Variants in GDPD4 observed in about 807,000 individuals in gnomAD.
GDPD4 encodes the protein glycerophosphodiester phosphodiesterase domain containing 4.
GDPD4 carries 60 observed loss-of-function variants against 67.8 expected under a neutral mutation model. The ratio of observed to expected loss-of-function variants is 0.88; its 90% CI spans 0.72 to 1.10. The LOEUF is 1.10. Ranked by LOEUF, GDPD4 falls within the 50% of genes least tolerant of loss-of-function variation. The pLI, the probability that GDPD4 is intolerant of heterozygous loss-of-function variation, is 0.00. For synonymous variants in GDPD4, 212 were observed against 210.9 expected, an observed-to-expected ratio of 1.00 and a Z score of -0.04; for missense variants, 623 against 613.9, an observed-to-expected ratio of 1.01 and a Z score of -0.16.
At chr11:77,299,660 A>C (rs1311286223) in intron 1 of GDPD4, among the ~76,000 whole-genome samples, 1 of 152,154 alleles carries the variant, frequency 6.6e-6, no homozygotes, top group African/African-American at 2.4e-5. Flanking sequence ...TGGCCTGGGT[A>C]TGTTCTCATG....
At chr11:77,223,915 C>T (rs528098219) in intron 16 of GDPD4, among the ~76,000 whole-genome samples, 2 of 152,214 alleles carry the variant, frequency 1.3e-5, no homozygotes, top group Admixed American at 6.5e-5. Flanking sequence ...ACACCCCTCC[C>T]CTAGCCAGGC....
At chr11:77,236,278 C>T (rs1237989171) in intron 13 of GDPD4, among the ~76,000 whole-genome samples, 1 of 151,716 alleles carries the variant, frequency 6.6e-6, no homozygotes, top group Non-Finnish European at 1.5e-5. Flanking sequence ...TGGTTTTCTG[C>T]ACCCATCAAC....
At chr11:77,217,365 T>TA in intron 16 of GDPD4, 51 bp from the exon 17 acceptor site, 1 of 1,370,182 alleles carries the variant, frequency 7.3e-7, no homozygotes. Flanking sequence ...CTCCACTCTC[T>TA]GTCAGTCATG....
chr11:77,233,311 G>A (rs1019051712), intron 13 of GDPD4, 139 bp from the exon 14 acceptor site: 35 of 721,186 alleles, frequency 4.9e-5, no homozygotes, highest in African/African-American at 3.7e-4. Flanking sequence ...TTCATGATAC[G>A]ATGTGACAGA....
At chr11:77,222,223 T>G (rs1167080081) in intron 16 of GDPD4, among the ~76,000 whole-genome samples, 1 of 152,214 alleles carries the variant, frequency 6.6e-6, no homozygotes, top group Admixed American at 6.5e-5. Context: ...CCATTTACAT[T>G]TAAGGTTAAT....
chr11:77,230,675 T>C (rs1349086895), intron 14 of GDPD4, among the ~76,000 whole-genome samples: 1 of 152,186 alleles, frequency 6.6e-6, no homozygotes, highest in African/African-American at 2.4e-5. Context: ...TGAATGAATA[T>C]TTTAAAATAA....
chr11:77,258,619 AGTC>A (rs2135859194), intron 10 of GDPD4, 77 bp from the exon 11 acceptor site: 2 of 1,378,490 alleles, frequency 1.5e-6, no homozygotes, highest in Non-Finnish European at 2.1e-6. Context: ...CTCCCCAGAC[AGTC>A]CTTCAAGGTC....
chr11:77,232,873 G>T, intron 14 of GDPD4, 152 bp downstream of exon 14: 1 of 619,632 alleles, frequency 1.6e-6, no homozygotes. Flanking sequence ...AGAAGGATCT[G>T]TGAGAATGGA....
chr11:77,244,590 G>A (rs1958743746), intron 12 of GDPD4, among the ~76,000 whole-genome samples: 2 of 152,064 alleles, frequency 1.3e-5, no homozygotes, highest in South Asian at 4.1e-4. Flanking sequence ...TGTATTCTTA[G>A]CACTTTGGAA....
chr11:77,264,611 T>C (rs1359465824), intron 10 of GDPD4, among the ~76,000 whole-genome samples: 2 of 152,130 alleles, frequency 1.3e-5, no homozygotes, highest in Non-Finnish European at 2.9e-5. Flanking sequence ...AAATTTACTA[T>C]GATGTTTAAG....
chr11:77,244,253 T>A (rs1958736104), intron 12 of GDPD4, among the ~76,000 whole-genome samples: 1 of 152,166 alleles, frequency 6.6e-6, no homozygotes, highest in African/African-American at 2.4e-5. Flanking sequence ...CAGGATGGTC[T>A]CGATCTCCTG....
Position 77,297,422 on chromosome 11 carries a change from G to C in GDPD4, c.-254+4183C>G, listed in dbSNP as rs542359841. Among the ~76,000 whole-genome samples, 10 of 151,768 alleles carry C rather than the reference G, an allele frequency of 6.6e-5. No individual in the cohort carries two copies. The East Asian group carries it at 1.8e-3, about 27-fold the overall frequency. ...GCGGTGGCTGGTGCCTGTAGTCCCA[G>C]CTAGTCGGGAGGCTGAGGCAGGAGA... On this transcript the variant is annotated intron_variant, in intron 1 of 16. Transcript: ENST00000315938.
chr11:77,298,504 T>A (rs997734896), intron 1 of GDPD4, among the ~76,000 whole-genome samples: 17 of 152,228 alleles, frequency 1.1e-4, no homozygotes, highest in South Asian at 4.1e-4. Flanking sequence ...CAAAAAAAAA[T>A]TTTTTTTAAA....
intron 11 of GDPD4, among the ~76,000 whole-genome samples, chr11:77,254,499 G>C (rs987674706): frequency 1.3e-5 from 2 of 152,080 alleles, no homozygotes; most frequent in African/African-American, 4.8e-5. Context: ...GAAGGGATGA[G>C]TGCTAGTATT....
At chr11:77,298,397 A>G (rs1198732037) in intron 1 of GDPD4, among the ~76,000 whole-genome samples, 3 of 152,186 alleles carry the variant, frequency 2.0e-5, no homozygotes, top group African/African-American at 7.2e-5. Flanking sequence ...CTGTAATCCC[A>G]GCTACTTGCG....
rs773203343 is a variant in GDPD4, at chr11:77,268,496, T to G, written c.668A>C (p.Glu223Ala). The G allele has an allele frequency of 2.5e-6, 4 of 1,613,456 alleles. No individual in the cohort carries two copies. Among genetic ancestry groups the G allele is most frequent in the Non-Finnish European group, 3.4e-6 (4 of 1,179,492 alleles). The part of the protein sequence containing the change: ...NTMMSFEKAV[E>A]HGAHGLETDI... Reference sequence around the variant, plus strand: ...AGTCTCCAATCCATGGGCTCCATGTTCAACAGCTTTCTCAAAGGACATCAT... The same window carrying G: ...AGTCTCCAATCCATGGGCTCCATGTGCAACAGCTTTCTCAAAGGACATCAT... The change falls in exon 10 of 17, where the codon GAA becomes GCA. Residue 223 changes from glutamate to alanine, a missense_variant. By Grantham distance (107) the Glu-to-Ala change is moderately radical. Coordinates refer to ENST00000315938, the MANE Select transcript of GDPD4 (RefSeq NM_182833.3).
intron 1 of GDPD4, among the ~76,000 whole-genome samples, chr11:77,297,689 A>G (rs1938022918): frequency 6.6e-6 from 1 of 152,230 alleles, no homozygotes; most frequent in African/African-American, 2.4e-5. Context: ...ATAATGGTAC[A>G]TATCCATATA....
At chr11:77,299,015 A>C (rs1938073172) in intron 1 of GDPD4, among the ~76,000 whole-genome samples, 1 of 152,094 alleles carries the variant, frequency 6.6e-6, no homozygotes, top group African/African-American at 2.4e-5. Flanking sequence ...CAGACCCCTT[A>C]GACAGGAATT....
Position 77,255,299 on chromosome 11 carries a change from G to C in GDPD4, c.864+3087C>G, listed in dbSNP as rs1216782573. Among the ~76,000 whole-genome samples, 5 of 152,180 alleles carry C rather than the reference G, an allele frequency of 3.3e-5. No homozygotes were observed. The East Asian group carries it at 9.6e-4, about 29-fold the overall frequency. ...ACCAAAAATAAGGCCAGGCACAGTG[G>C]CTCACATCTGTAATCCCAGCACTTT... On this transcript the variant is annotated intron_variant, in intron 11 of 16. Transcript: ENST00000315938.
Sources: gnomAD v4.1 joint callset for allele counts (sites outside exome capture counted in the v4.1 genomes callset) on GRCh38, gnomAD v4.1.1 for gene constraint, MANE v1.5 for transcripts, NCBI Gene and HGNC (gene_info 2026-07-23, HGNC 2026-07-21) for gene names.